MBD5: variants seen among roughly 807,000 people sequenced by gnomAD.
MBD5 encodes methyl-CpG-binding domain protein 5.
Under a neutral mutation model 117.3 loss-of-function variants are expected in MBD5, and 13 were observed. The ratio of observed to expected loss-of-function variants is 0.11; its 90% CI spans 0.07 to 0.18. The LOEUF (loss-of-function observed/expected upper bound fraction) is 0.18, where lower values mean the gene tolerates loss of function less well. Among genes scored for constraint, MBD5 ranks in the 10% least tolerant of loss-of-function variants. The pLI is 1.00. For synonymous variants in MBD5, 727 were observed against 766.4 expected (o/e 0.95, Z 0.85); for missense variants, 1,879 against 2,093.8 (o/e 0.90, Z 2.00).
At position 148,279,790 on chromosome 2, in the gene MBD5, A is replaced by G. The variant is rs560761233; in HGVS notation, c.-680+46395A>G. ...TACACATTTGGACTCTTTCTTTTTT[A>G]AGAAGTGTATCTCTCTGTGTTGGAC... On this transcript the variant is annotated intron_variant, in intron 3 of 13. Coordinates refer to ENST00000642680, the MANE Select transcript of MBD5 (RefSeq NM_001378120.1). 1.6e-3 allele frequency among the ~76,000 whole-genome samples: 238 copies of G among 152,190 alleles called. 1 individual carries two copies. Among genetic ancestry groups the G allele is most frequent in the Middle Eastern group, 6.8e-3 (2 of 294 alleles).
At chr2:148,304,641 C>A (rs1295903271) in intron 3 of MBD5, among the ~76,000 whole-genome samples, 1 of 152,172 alleles carries the variant, frequency 6.6e-6, no homozygotes, top group African/African-American at 2.4e-5. Flanking sequence ...TTGGGCCCAA[C>A]TCTAACTCCA....
intron 4 of MBD5, among the ~76,000 whole-genome samples, chr2:148,444,827 G>T (rs998540916): frequency 1.3e-5 from 2 of 150,774 alleles, no homozygotes; most frequent in South Asian, 4.1e-4. Context: ...TCCCCAGACA[G>T]TAAGCTCCTT....
In MBD5 at chr2:148,458,305, C is replaced by A; in HGVS notation, c.-454C>A. 2.4e-6 allele frequency: 1 copy of A among 409,094 alleles called. No homozygotes were observed. Among genetic ancestry groups the A allele is most frequent in the South Asian group, 1.1e-4 (1 of 9,184 alleles). The allele number at this position is 409,094 out of a possible 1,614,324, so 25.3% of individuals were successfully genotyped here. ...TAAAGAGAAAGTTTAAAGAATGTGG[C>A]CTATAAAGGCGGGTACCTGGAAATA... On this transcript the variant is annotated 5_prime_UTR_variant, in exon 5 of 14. Coordinates refer to ENST00000642680, the MANE Select transcript of MBD5 (RefSeq NM_001378120.1).
intron 2 of MBD5, among the ~76,000 whole-genome samples, chr2:148,224,912 TA>T (rs1699783771): frequency 6.6e-6 from 1 of 152,078 alleles, no homozygotes; most frequent in Non-Finnish European, 1.5e-5. Context: ...TGGCATGGAA[TA>T]TTTTTTTTTC....
intron 4 of MBD5, chr2:148,346,475 C>G (rs1703126918): frequency 6.6e-6 from 1 of 152,010 alleles, no homozygotes; most frequent in Non-Finnish European, 1.5e-5. Context: ...ATGTCACTTT[C>G]TCTATAGTTT....
intron 9 of MBD5, 153 bp from the exon 10 acceptor site, chr2:148,485,589 C>A: frequency 1.5e-6 from 1 of 646,548 alleles, no homozygotes; most frequent in Non-Finnish European, 2.7e-6. Flanking sequence ...TCTTTCCTTA[C>A]CACTTAGTAA....
intron 4 of MBD5, among the ~76,000 whole-genome samples, chr2:148,362,385 C>T (rs1003536644): frequency 2.6e-5 from 4 of 152,144 alleles, no homozygotes; most frequent in Admixed American, 6.6e-5. Context: ...TCGAACTGGG[C>T]GGAGATCACT....
In MBD5 at chr2:148,470,259, C is replaced by T. The variant is rs371668245; in HGVS notation, c.2316C>T (p.Asn772=). The T allele has an allele frequency of 1.9e-6, 3 of 1,613,876 alleles. No homozygotes were observed. The highest frequency in any genetic ancestry group is 2.2e-5 in the East Asian group (1 of 44,886). Residue 772 remains asparagine, a synonymous_variant, in exon 8 of 14, where the codon AAC becomes AAT. Coordinates refer to ENST00000642680, the MANE Select transcript of MBD5 (RefSeq NM_001378120.1). ...CAAACACTAACTTTGTTCACAGTAA[C>T]AGTCCAGTCCCCAACCACCATCTTG... ...HNANTNFVHS[N]SPVPNHHLAG... is the part of the protein sequence containing the mutation.
rs755951111 is a variant in MBD5, at chr2:148,282,896, ACCG to A, written c.-680+49504_-680+49506del. Among the ~76,000 whole-genome samples, 716 of 74,096 alleles carry A rather than the reference ACCG, an allele frequency of 9.7e-3. 6 individuals are homozygous for A. Among genetic ancestry groups the A allele is most frequent in the East Asian group, 0.019 (19 of 1,022 alleles). The allele number at this position is 74,096 out of a possible 152,430, so 48.6% of individuals were successfully genotyped here. ...CATATAGACTGACTTTTAAGACTTA[ACCG>A]CCCCCCCCCATCAGATGCAATTATT... On this transcript the variant is annotated intron_variant, in intron 3 of 13. Transcript: ENST00000642680.
At chr2:148,502,266 C>A (rs910626308) in intron 11 of MBD5, 170 bp from the exon 12 acceptor site, 13 of 658,148 alleles carry the variant, frequency 2.0e-5, no homozygotes, top group African/African-American at 1.1e-4. Flanking sequence ...CCTGGAGCCA[C>A]AGAATCAACC....
At chr2:148,501,903 G>C (rs796446305) in intron 11 of MBD5, among the ~76,000 whole-genome samples, 1 of 152,218 alleles carries the variant, frequency 6.6e-6, no homozygotes, top group Non-Finnish European at 1.5e-5. Flanking sequence ...AATTTTCACA[G>C]CAGTTCTAGC....
intron 1 of MBD5, among the ~76,000 whole-genome samples, chr2:148,043,452 C>CAAATAAGTAAATAAATAAAT (rs1694427936): frequency 7.0e-6 from 1 of 142,854 alleles, no homozygotes; most frequent in African/African-American, 2.6e-5. Flanking sequence ...GACTCCTTCT[C>CAAATAAGTAAATAAATAAAT]AAATAAATAA....
rs1450208841 is a variant in MBD5 at position 148,188,429 on chromosome 2, G to GT, written c.-831+9637dup. The stretch of plus-strand genomic sequence containing the variant: ...TGGCTAGGCATGATGGCCAATGCCT[G>GT]TAAGTAAACACTTTGGGAGGCCAAG... On this transcript the variant is annotated intron_variant, in intron 2 of 13. Transcript: ENST00000642680. Among the ~76,000 whole-genome samples the GT allele has an allele frequency of 2.0e-5, 3 of 152,252 alleles. No homozygotes were observed. In the South Asian group the frequency reaches 6.2e-4, roughly 32 times the overall value.
intron 3 of MBD5, among the ~76,000 whole-genome samples, chr2:148,326,301 A>G (rs1702449077): frequency 1.3e-5 from 2 of 152,248 alleles, no homozygotes; most frequent in East Asian, 1.9e-4. Context: ...GCTGAAAAAA[A>G]TGTATATTCT....
At chr2:148,199,185 TA>T (rs1699072256) in intron 2 of MBD5, among the ~76,000 whole-genome samples, 1 of 152,156 alleles carries the variant, frequency 6.6e-6, no homozygotes, top group South Asian at 2.1e-4. Flanking sequence ...GCTTTGCTCT[TA>T]AGGCCTTTCA....
intron 4 of MBD5, among the ~76,000 whole-genome samples, chr2:148,421,640 G>A (rs569207800): frequency 9.9e-5 from 15 of 152,198 alleles, no homozygotes; most frequent in Non-Finnish European, 1.6e-4. Flanking sequence ...CTGGCTCGGC[G>A]GATCCCACCC....
chr2:148,115,356 G>T (rs1415979034), intron 1 of MBD5, among the ~76,000 whole-genome samples: 1 of 152,058 alleles, frequency 6.6e-6, no homozygotes, highest in Non-Finnish European at 1.5e-5. Context: ...CCCAGCCTTC[G>T]CCACTGACAT....
intron 1 of MBD5, among the ~76,000 whole-genome samples, chr2:148,076,651 C>T (rs1695517236): frequency 6.6e-6 from 1 of 152,190 alleles, no homozygotes; most frequent in Admixed American, 6.6e-5. Context: ...GTGAGCAGTA[C>T]AGATAACTAA....
At chr2:148,491,356 A>C (rs1053037674) in intron 11 of MBD5, among the ~76,000 whole-genome samples, 1 of 151,562 alleles carries the variant, frequency 6.6e-6, no homozygotes, top group African/African-American at 2.4e-5. Context: ...CTAGGCAAGA[A>C]ATATGCAGAG....
Sources: gnomAD v4.1 joint callset for allele counts (sites outside exome capture counted in the v4.1 genomes callset) on GRCh38, gnomAD v4.1.1 for gene constraint, MANE v1.5 for transcripts, NCBI Gene and HGNC (gene_info 2026-07-23, HGNC 2026-07-21) for gene names.